Variants in MYT1 observed in about 807,000 individuals in gnomAD.
MYT1 encodes myelin transcription factor 1, also known as myelin transcription factor I.
A neutral mutation model predicts 123.0 loss-of-function variants in MYT1; 23 were observed. The ratio of observed to expected loss-of-function variants is 0.19; its 90% CI spans 0.13 to 0.26. The LOEUF (loss-of-function observed/expected upper bound fraction) is 0.26, where lower values mean the gene tolerates loss of function less well. Among genes scored for constraint, MYT1 ranks in the 10% least tolerant of loss-of-function variants. The pLI is 1.00. For synonymous variants in MYT1, 518 were observed against 575.3 expected (o/e 0.90, Z 1.43); for missense variants, 1,125 against 1,472.5 (o/e 0.76, Z 3.86).
Position 64,168,880 on chromosome 20 carries a change from G to C in MYT1, c.-99+4141G>C, listed in dbSNP as rs1352273002. Among the ~76,000 whole-genome samples the C allele has an allele frequency of 2.6e-5, 4 of 152,158 alleles. No individual in the cohort carries two copies. Among genetic ancestry groups the C allele is most frequent in the African/African-American group, 9.7e-5 (4 of 41,426 alleles). ...GGGATCTGGATGCTCGGGAGGAAAGGTGGAGGCACCATATGGCCTGAGCTG... is the reference window on the plus strand; with the variant it reads ...GGGATCTGGATGCTCGGGAGGAAAGCTGGAGGCACCATATGGCCTGAGCTG... On this transcript the variant is annotated intron_variant, in intron 1 of 22. Coordinates refer to ENST00000328439, the MANE Select transcript of MYT1 (RefSeq NM_004535.3). The surrounding 1 kb of genome is among the most constrained non-coding windows in gnomAD (Gnocchi z 6.1).
Position 64,207,696 on chromosome 20 carries a change from C to T in MYT1, c.500C>T (p.Ser167Phe). Residue 167 changes from serine to phenylalanine, a missense_variant, in exon 7 of 23, where the codon TCT becomes TTT. Transcript: ENST00000328439. Reference sequence around the variant, plus strand: ...AGCTACCAGGGAATCATCGCAACTTCTCTCCTGAACTTGGGTCAAATTGCT... The same window carrying T: ...AGCTACCAGGGAATCATCGCAACTTTTCTCCTGAACTTGGGTCAAATTGCT... ...YSSYQGIIAT[S>F]LLNLGQIAEE... is the part of the protein sequence containing the mutation. The T allele has an allele frequency of 6.2e-7, 1 of 1,614,102 alleles. No homozygotes were observed.
At chr20:64,195,378 G>A (rs1601707723) in intron 2 of MYT1, among the ~76,000 whole-genome samples, 1 of 102,274 alleles carries the variant, frequency 9.8e-6, no homozygotes, top group South Asian at 3.5e-4. Flanking sequence ...GTGTGTGTGT[G>A]TGTGTGTGTG....
intron 12 of MYT1, among the ~76,000 whole-genome samples, 161 bp downstream of exon 12, chr20:64,219,196 G>A (rs901254831): frequency 2.0e-5 from 3 of 152,210 alleles, no homozygotes; most frequent in African/African-American, 4.8e-5. Context: ...TGGCCCCAAG[G>A]ACCGCAGAGC....
intron 16 of MYT1, among the ~76,000 whole-genome samples, chr20:64,224,145 C>G (rs1185096840): frequency 6.6e-6 from 1 of 152,150 alleles, no homozygotes; most frequent in Non-Finnish European, 1.5e-5. Context: ...CCATGGGGAG[C>G]TCCTCCTGGG....
chr20:64,223,144 C>T lies in MYT1; in HGVS notation c.2430C>T (p.His810=). 1 of 1,614,226 alleles carries T rather than the reference C, an allele frequency of 6.2e-7. No homozygotes were observed. The highest frequency in any genetic ancestry group is 8.5e-7 in the Non-Finnish European group (1 of 1,180,036). Residue 810 remains histidine (H), a synonymous_variant, in exon 15 of 23, where the codon CAC becomes CAT. Transcript: ENST00000328439. ...CCCCTGGCTGTGACGGCAGCGGCCACATCACCGGGAACTACGCCTCCCACC... is the reference window on the plus strand; with the variant it reads ...CCCCTGGCTGTGACGGCAGCGGCCATATCACCGGGAACTACGCCTCCCACC... ...CPTPGCDGSG[H]ITGNYASHRS... is the part of the protein sequence containing the mutation.
rs747926053 is a variant in MYT1 at position 64,219,856 on chromosome 20, C to T, written c.2115C>T (p.Ser705=). ...CTCCCGACGCCTCCCAGCGCCACAG[C>T]AGCACCAGCGCCCCCAGCAGCTCCA... ...VKSPDASQRH[S]STSAPSSSMT... The change falls in exon 13 of 23, where the codon AGC becomes AGT. Residue 705 remains serine (S), a synonymous_variant. Coordinates refer to ENST00000328439, the MANE Select transcript of MYT1 (RefSeq NM_004535.3). The T allele has an allele frequency of 1.1e-5, 18 of 1,604,906 alleles. No homozygotes were observed. Among genetic ancestry groups the T allele is most frequent in the Non-Finnish European group, 1.4e-5 (17 of 1,175,678 alleles).
In MYT1 at chr20:64,196,438, T is replaced by C. The variant is rs1182030389; in HGVS notation, c.1-2424T>C. 6.6e-6 allele frequency among the ~76,000 whole-genome samples: 1 copy of C among 152,230 alleles called. No individual in the cohort carries two copies. ...CTTTGACTTCTTTCGAAAAGAAAAG[T>C]GATGTAAATCAAGCAGTGCTGGTTT... On this transcript the variant is annotated intron_variant, in intron 2 of 22. Coordinates refer to ENST00000328439, the MANE Select transcript of MYT1 (RefSeq NM_004535.3). This position sits in a 1 kb window ranked among gnomAD's most constrained non-coding sequence, Gnocchi z 4.3.
At chr20:64,171,149 C>T (rs951772386) in intron 1 of MYT1, among the ~76,000 whole-genome samples, 2 of 151,586 alleles carry the variant, frequency 1.3e-5, no homozygotes, top group African/African-American at 4.9e-5. Flanking sequence ...GAACTCCTGA[C>T]CTCAGGTGAT....
intron 1 of MYT1, among the ~76,000 whole-genome samples, chr20:64,176,221 G>A (rs1201480845): frequency 6.1e-4 from 1 of 1,644 alleles, no homozygotes. Context: ...CCCCTCCCTG[G>A]CGTCTCCTCC....
chr20:64,236,704 C>A, intron 20 of MYT1, 58 bp downstream of exon 20: 1 of 1,450,074 alleles, frequency 6.9e-7, no homozygotes, highest in Non-Finnish European at 9.7e-7. Flanking sequence ...TAAGTGAGAG[C>A]TGTGCACCTT....
chr20:64,165,951 T>G (rs1468280987), intron 1 of MYT1, among the ~76,000 whole-genome samples: 1 of 152,076 alleles, frequency 6.6e-6, no homozygotes, highest in Non-Finnish European at 1.5e-5. Context: ...CTGAGGGGTA[T>G]GCTCTGCCTC....
At chr20:64,195,649 G>C (rs1325228850) in intron 2 of MYT1, among the ~76,000 whole-genome samples, 1 of 152,092 alleles carries the variant, frequency 6.6e-6, no homozygotes, top group Admixed American at 6.6e-5. Flanking sequence ...ACCCGCCTCA[G>C]CCTCTTAAAG....
Position 64,223,160 on chromosome 20 carries a change from G to A in MYT1, c.2446G>A (p.Ala816Thr). ...DGSGHITGNYASHRSLSGCPL... is the reference protein window; with the variant it reads ...DGSGHITGNYTSHRSLSGCPL... ...CAGCGGCCACATCACCGGGAACTAC[G>A]CCTCCCACCGCAGGTTTGTCTCCTG... The change falls in exon 15 of 23, where the codon GCC (alanine) becomes ACC (threonine). Residue 816 changes from alanine to threonine, a missense_variant. By Grantham distance (58) the Ala-to-Thr change is moderately conservative (BLOSUM62 0). Coordinates refer to ENST00000328439, the MANE Select transcript of MYT1 (RefSeq NM_004535.3). 1.2e-6 allele frequency: 2 copies of A among 1,614,164 alleles called. No homozygotes were observed. The highest frequency in any genetic ancestry group is 8.5e-7 in the Non-Finnish European group (1 of 1,180,036).
At chr20:64,172,174 C>T (rs1354498036) in intron 1 of MYT1, among the ~76,000 whole-genome samples, 1 of 152,160 alleles carries the variant, frequency 6.6e-6, no homozygotes, top group East Asian at 1.9e-4. Flanking sequence ...ACACATCCCC[C>T]CGCCCCCCAC....
chr20:64,219,804 G>GCTGCAGCAGCAGCCC lies in MYT1; in HGVS notation c.2065_2079dup (p.Cys689_Pro693dup). ...GAAAATGCTTTCCCCAGCAGCAGCA[G>GCTGCAGCAGCAGCCC]CTGCAGCAGCAGCCCCGGTGTGAAG... On this transcript the variant is annotated inframe_insertion, in exon 13 of 23. Coordinates refer to ENST00000328439, the MANE Select transcript of MYT1 (RefSeq NM_004535.3). 1 of 1,613,944 alleles carries GCTGCAGCAGCAGCCC rather than the reference G, an allele frequency of 6.2e-7. No individual in the cohort carries two copies. The highest frequency in any genetic ancestry group is 8.5e-7 in the Non-Finnish European group (1 of 1,179,982).
At chr20:64,172,124 G>A (rs570405710) in intron 1 of MYT1, among the ~76,000 whole-genome samples, 5 of 152,276 alleles carry the variant, frequency 3.3e-5, no homozygotes, top group Non-Finnish European at 5.9e-5. Flanking sequence ...GTTGGCTCTC[G>A]TGTACTGACC....
At chr20:64,200,026 C>T (rs1983246529) in intron 4 of MYT1, 104 bp downstream of exon 4, 4 of 1,351,070 alleles carry the variant, frequency 3.0e-6, no homozygotes, top group Non-Finnish European at 4.2e-6. Context: ...ACCAAACACC[C>T]CTGGTGAGCC....
At position 64,227,492 on chromosome 20, in the gene MYT1, C is replaced by T. The variant is rs772051587; in HGVS notation, c.2591+15C>T. On this transcript the variant is annotated intron_variant, in intron 17 of 22. Coordinates refer to ENST00000328439, the MANE Select transcript of MYT1 (RefSeq NM_004535.3). ...TCACACCGGAGGTGAGCCTGCCACACCCTCAGGTCCTGGGCCCCAGGGGTG... is the reference window on the plus strand; with the variant it reads ...TCACACCGGAGGTGAGCCTGCCACATCCTCAGGTCCTGGGCCCCAGGGGTG... The T allele has an allele frequency of 1.2e-6, 2 of 1,610,964 alleles. No individual in the cohort carries two copies. The highest frequency in any genetic ancestry group is 4.5e-5 in the East Asian group (2 of 44,826).
chr20:64,167,739 C>G lies in MYT1; in HGVS notation c.-99+3000C>G, dbSNP rs899317694. 9.2e-5 allele frequency among the ~76,000 whole-genome samples: 14 copies of G among 152,210 alleles called. No homozygotes were observed. Among genetic ancestry groups the G allele is most frequent in the Non-Finnish European group, 2.1e-4 (14 of 68,038 alleles). The stretch of plus-strand genomic sequence containing the variant: ...GGGCTCTTCTCTTTCTTCCTCTCTC[C>G]CATCTTCCTCATCTTAGATCCTCCC... On this transcript the variant is annotated intron_variant, in intron 1 of 22. Transcript: ENST00000328439. The surrounding 1 kb of genome is among the most constrained non-coding windows in gnomAD (Gnocchi z 6.3).
Sources: allele counts gnomAD v4.1 joint callset (sites outside exome capture counted in the v4.1 genomes callset), GRCh38; gene constraint gnomAD v4.1.1; non-coding constraint Gnocchi (gnomAD v3.1); transcripts MANE v1.5; gene names NCBI Gene and HGNC (gene_info 2026-07-23, HGNC 2026-07-21).